Variants in TBC1D14 observed in about 807,000 individuals in gnomAD.
The protein encoded by TBC1D14 is TBC1 domain family member 14.
Under a neutral mutation model 79.0 loss-of-function variants are expected in TBC1D14, and 26 were observed. The ratio of observed to expected loss-of-function variants is 0.33; its 90% CI spans 0.24 to 0.46. The LOEUF is 0.46. TBC1D14 is among the 20% of genes least tolerant of loss of function. The probability of loss-of-function intolerance (pLI) is 1.00; values close to 1 mark genes in which losing one functional copy is unlikely to be tolerated. For synonymous variants in TBC1D14, 394 were observed against 349.9 expected, an observed-to-expected ratio of 1.13 and a Z score of -1.40; for missense variants, 769 against 887.6, an observed-to-expected ratio of 0.87 and a Z score of 1.70.
intron 2 of TBC1D14, among the ~76,000 whole-genome samples, chr4:6,950,525 T>C (rs1713937092): frequency 6.6e-6 from 1 of 152,210 alleles, no homozygotes; most frequent in African/African-American, 2.4e-5. Flanking sequence ...CCTCGTTAAG[T>C]GTGATGTTTG....
At chr4:6,968,304 G>T (rs1290649710) in intron 3 of TBC1D14, among the ~76,000 whole-genome samples, 1 of 152,178 alleles carries the variant, frequency 6.6e-6, no homozygotes, top group Non-Finnish European at 1.5e-5. Context: ...GCAGGCGCAG[G>T]AGGAGTGGGG....
At chr4:7,001,717 G>T (rs556939823) in intron 7 of TBC1D14, among the ~76,000 whole-genome samples, 2 of 152,230 alleles carry the variant, frequency 1.3e-5, no homozygotes, top group Admixed American at 1.3e-4. Context: ...TTTGTCTGCT[G>T]GGTGAGAACC....
intron 13 of TBC1D14, among the ~76,000 whole-genome samples, chr4:7,025,593 A>T (rs538207800): frequency 2.0e-5 from 3 of 152,160 alleles, no homozygotes; most frequent in East Asian, 1.9e-4. Context: ...CCCCCTTTTT[A>T]AAAAAAATAA....
chr4:7,001,372 G>A (rs570996145), intron 7 of TBC1D14, 121 bp downstream of exon 7: 317 of 834,050 alleles, frequency 3.8e-4, no homozygotes, highest in Non-Finnish European at 5.3e-4. Context: ...TGAGAGACCA[G>A]GAGACTGTGT....
At chr4:6,985,543 C>T (rs929213909) in intron 3 of TBC1D14, among the ~76,000 whole-genome samples, 4 of 152,142 alleles carry the variant, frequency 2.6e-5, no homozygotes, top group African/African-American at 7.2e-5. Flanking sequence ...CCAAAAAGAA[C>T]TAGAGTAAGA....
At chr4:6,996,744 A>T (rs1262926390) in intron 5 of TBC1D14, among the ~76,000 whole-genome samples, 1 of 152,188 alleles carries the variant, frequency 6.6e-6, no homozygotes, top group African/African-American at 2.4e-5. Flanking sequence ...GTAAAGCCCC[A>T]GGCTTTGGAG....
intron 3 of TBC1D14, among the ~76,000 whole-genome samples, chr4:6,968,343 G>A (rs939081173): frequency 6.6e-6 from 1 of 152,174 alleles, no homozygotes; most frequent in African/African-American, 2.4e-5. Flanking sequence ...TTAAAGGTGT[G>A]ACAGGAAATT....
At chr4:7,003,867 G>A (rs73202122) in intron 7 of TBC1D14, among the ~76,000 whole-genome samples, 10,350 of 152,230 alleles carry the variant, frequency 0.068, 436 homozygotes, top group African/African-American at 0.12. Flanking sequence ...CACCAGGTGC[G>A]GTGGCGTGCA....
chr4:6,984,094 G>A (rs1717610372), intron 3 of TBC1D14, among the ~76,000 whole-genome samples: 1 of 152,062 alleles, frequency 6.6e-6, no homozygotes, highest in African/African-American at 2.4e-5. Flanking sequence ...TGGGGTGAGA[G>A]GGGTCTCAGG....
At chr4:6,954,322 C>T (rs1321688795) in intron 2 of TBC1D14, 2 of 717,396 alleles carry the variant, frequency 2.8e-6, no homozygotes, top group East Asian at 2.7e-5. Context: ...CTCCCCTGCG[C>T]TCCTGTTCAT....
chr4:6,989,354 T>C (rs1049889447), intron 3 of TBC1D14, among the ~76,000 whole-genome samples: 2 of 152,182 alleles, frequency 1.3e-5, no homozygotes, highest in African/African-American at 4.8e-5. Flanking sequence ...CAACTTTGAC[T>C]CTGCACCATT....
At chr4:7,015,261 G>C (rs915545150) in intron 12 of TBC1D14, among the ~76,000 whole-genome samples, 2 of 152,088 alleles carry the variant, frequency 1.3e-5, no homozygotes, top group Non-Finnish European at 2.9e-5. Flanking sequence ...GGAGAGCCTG[G>C]GAACAGAGAG....
At chr4:6,976,691 G>T (rs1201784535) in intron 3 of TBC1D14, among the ~76,000 whole-genome samples, 2 of 152,172 alleles carry the variant, frequency 1.3e-5, no homozygotes, top group African/African-American at 4.8e-5. Context: ...TATGCTAGGA[G>T]GAGACTTGGA....
At chr4:7,004,744 G>C in intron 7 of TBC1D14, 100 bp from the exon 8 acceptor site, 7 of 1,098,550 alleles carry the variant, frequency 6.4e-6, no homozygotes, top group Non-Finnish European at 9.6e-6. Context: ...GCCTATTATA[G>C]TTGAACTTAA....
intron 7 of TBC1D14, 96 bp downstream of exon 7, chr4:7,001,347 C>T (rs564725150): frequency 3.4e-5 from 35 of 1,024,238 alleles, no homozygotes; most frequent in East Asian, 2.0e-4. Flanking sequence ...GCCATTGCCA[C>T]GAATCTGTGT....
At chr4:6,925,470 T>A (rs1724219932) in intron 2 of TBC1D14, among the ~76,000 whole-genome samples, 1 of 152,120 alleles carries the variant, frequency 6.6e-6, no homozygotes. Context: ...TGGAGTCAGC[T>A]GGCGACTCTG....
At chr4:7,006,501 A>G in intron 8 of TBC1D14, 131 bp from the exon 9 acceptor site, 1 of 633,724 alleles carries the variant, frequency 1.6e-6, no homozygotes, top group South Asian at 2.1e-5. Flanking sequence ...CTCTGAGTCA[A>G]GATGTGATTA....
intron 3 of TBC1D14, among the ~76,000 whole-genome samples, chr4:6,980,569 C>T (rs984190517): frequency 5.3e-5 from 8 of 151,922 alleles, no homozygotes; most frequent in African/African-American, 7.3e-5. Flanking sequence ...AATGATAGAC[C>T]GAAAGCTGGG....
At chr4:6,941,233 T>A (rs1009919960) in intron 2 of TBC1D14, among the ~76,000 whole-genome samples, 1 of 144,528 alleles carries the variant, frequency 6.9e-6, no homozygotes, top group African/African-American at 2.6e-5. Context: ...TGGCCCAGGC[T>A]GGAGTGCAAT....
Sources: gnomAD v4.1 joint callset for allele counts (sites outside exome capture counted in the v4.1 genomes callset) on GRCh38, gnomAD v4.1.1 for gene constraint, MANE v1.5 for transcripts, NCBI Gene and HGNC (gene_info 2026-07-23, HGNC 2026-07-21) for gene names.